The following GAS2 variants were observed in gnomAD, a reference collection of about 807,000 sequenced individuals.
GAS2 encodes the protein growth arrest-specific protein 2.
GAS2 carries 20 observed loss-of-function variants against 37.5 expected under a neutral mutation model. That is an observed-to-expected ratio of 0.53 (90% CI 0.37 to 0.77). The LOEUF is 0.77. Among genes scored for constraint, GAS2 ranks in the 30% least tolerant of loss-of-function variants. The pLI, the probability that GAS2 is intolerant of heterozygous loss-of-function variation, is 0.00. For synonymous variants in GAS2, 144 were observed against 132.2 expected, an observed-to-expected ratio of 1.09 and a Z score of -0.61; for missense variants, 336 against 373.4, an observed-to-expected ratio of 0.90 and a Z score of 0.82.
intron 3 of GAS2, among the ~76,000 whole-genome samples, chr11:22,705,280 A>C (rs1851057689): frequency 6.6e-6 from 1 of 152,108 alleles, no homozygotes; most frequent in African/African-American, 2.4e-5. Context: ...CAGGGCCTTC[A>C]CAATTGTTCT....
At chr11:22,748,674 A>G (rs1853548853) in intron 5 of GAS2, among the ~76,000 whole-genome samples, 1 of 152,080 alleles carries the variant, frequency 6.6e-6, no homozygotes, top group Non-Finnish European at 1.5e-5. Context: ...AATCATTTAA[A>G]GATGTTTATT....
At chr11:22,803,782 T>C (rs1177305564) in intron 7 of GAS2, among the ~76,000 whole-genome samples, 1 of 152,114 alleles carries the variant, frequency 6.6e-6, no homozygotes, top group Non-Finnish European at 1.5e-5. Flanking sequence ...ACATCATCCC[T>C]CTCTTCAGAG....
intron 1 of GAS2, among the ~76,000 whole-genome samples, chr11:22,649,697 ATTT>A (rs1415170341): frequency 2.0e-5 from 3 of 152,072 alleles, no homozygotes; most frequent in African/African-American, 7.3e-5. Flanking sequence ...TTTCTAGTTT[ATTT>A]GCATAGAGGT....
At chr11:22,631,110 A>G (rs1042928782) in intron 1 of GAS2, among the ~76,000 whole-genome samples, 1 of 152,088 alleles carries the variant, frequency 6.6e-6, no homozygotes, top group Non-Finnish European at 1.5e-5. Flanking sequence ...AGCTACTGTA[A>G]AAGGGATTGA....
At chr11:22,733,466 A>G (rs979169445) in intron 4 of GAS2, among the ~76,000 whole-genome samples, 1 of 151,792 alleles carries the variant, frequency 6.6e-6, no homozygotes, top group Non-Finnish European at 1.5e-5. Context: ...CAAATGGACA[A>G]CATAATTTTT....
intron 2 of GAS2, among the ~76,000 whole-genome samples, chr11:22,685,371 C>A (rs1261061198): frequency 6.6e-6 from 1 of 152,068 alleles, no homozygotes; most frequent in Non-Finnish European, 1.5e-5. Flanking sequence ...GTTTTCATTC[C>A]CCTTGATTAC....
rs1005805422 is a variant in GAS2, at chr11:22,699,078, A to G, written c.267+13289A>G. ...CTTTTCTAGCCCCTGTGTAAATAGC[A>G]TAGGCTGCTAGTTTTCTATTCCACA... is the stretch of plus-strand genomic sequence containing the variant. On this transcript the variant is annotated intron_variant, in intron 3 of 7. Coordinates refer to ENST00000454584, the MANE Select transcript of GAS2 (RefSeq NM_001143830.3). Among the ~76,000 whole-genome samples, 6 of 152,302 alleles carry G rather than the reference A, an allele frequency of 3.9e-5. No homozygotes were observed. In the South Asian group the frequency reaches 1.2e-3, roughly 32 times the overall value.
intron 7 of GAS2, among the ~76,000 whole-genome samples, chr11:22,776,729 G>T (rs1338855104): frequency 6.6e-6 from 1 of 152,126 alleles, no homozygotes; most frequent in African/African-American, 2.4e-5. Flanking sequence ...GTTGAAGAGA[G>T]TTTCAGAAAA....
At chr11:22,758,938 T>C (rs531045441) in intron 7 of GAS2, among the ~76,000 whole-genome samples, 4 of 72,332 alleles carry the variant, frequency 5.5e-5, no homozygotes, top group East Asian at 1.1e-3. Flanking sequence ...GAGAAAGTCA[T>C]AGATACAAGA....
At chr11:22,780,757 C>T (rs1201080463) in intron 7 of GAS2, among the ~76,000 whole-genome samples, 4 of 151,078 alleles carry the variant, frequency 2.6e-5, no homozygotes, top group Non-Finnish European at 4.4e-5. Flanking sequence ...AGGTCTCAGA[C>T]ACATATGGTC....
chr11:22,812,047 T>G lies in GAS2; in HGVS notation c.*31T>G. The stretch of plus-strand genomic sequence containing the variant: ...ATTGGTCATGACAAGGGGACCCTCA[T>G]AATGGCCTGTATCCACTTCTCCAGT... On this transcript the variant is annotated 3_prime_UTR_variant, in exon 8 of 8. Transcript: ENST00000454584. The G allele has an allele frequency of 1.3e-6, 2 of 1,484,208 alleles. No individual in the cohort carries two copies. Among genetic ancestry groups the G allele is most frequent in the Non-Finnish European group, 1.9e-6 (2 of 1,062,190 alleles). 91.9% of individuals were successfully genotyped at this position (1,484,208 alleles called of 1,614,324 possible).
At chr11:22,758,603 A>C (rs1406167207) in intron 7 of GAS2, among the ~76,000 whole-genome samples, 1 of 152,134 alleles carries the variant, frequency 6.6e-6, no homozygotes, top group Admixed American at 6.5e-5. Context: ...CTAACTCAGT[A>C]AGAATTGTTC....
At chr11:22,741,535 T>G (rs1565120640) in intron 5 of GAS2, among the ~76,000 whole-genome samples, 1 of 152,174 alleles carries the variant, frequency 6.6e-6, no homozygotes, top group Non-Finnish European at 1.5e-5. Context: ...TTATGAATTT[T>G]ATTTTTTAGT....
At chr11:22,774,241 G>A (rs577488863) in intron 7 of GAS2, among the ~76,000 whole-genome samples, 129 of 152,248 alleles carry the variant, frequency 8.5e-4, no homozygotes, top group South Asian at 3.9e-3. Context: ...TGATCGGCCC[G>A]CCTCAGCCTC....
chr11:22,710,506 TGTGTGTC>T lies in GAS2; in HGVS notation c.268-15785_268-15779del, dbSNP rs1565101862. ...AGATATATGTGTGTGTGTGTGTCTG[TGTGTGTC>T]TGTGTGTATATATATATATATGTTT... On this transcript the variant is annotated intron_variant, in intron 3 of 7. Coordinates refer to ENST00000454584, the MANE Select transcript of GAS2 (RefSeq NM_001143830.3). Among the ~76,000 whole-genome samples, 7 of 17,220 alleles carry T rather than the reference TGTGTGTC, an allele frequency of 4.1e-4. 1 individual carries two copies. The Admixed American group carries it at 0.02, about 50-fold the overall frequency. 11.3% of individuals were successfully genotyped at this position (17,220 alleles called of 152,430 possible). A position where few individuals can be genotyped will look rare whatever the true frequency, so the allele number is the denominator to read the frequency against.
intron 4 of GAS2, among the ~76,000 whole-genome samples, chr11:22,732,346 A>G (rs972934577): frequency 2.0e-5 from 3 of 151,770 alleles, no homozygotes; most frequent in African/African-American, 7.2e-5. Context: ...AATTCATTCA[A>G]TTCTGTAGGG....
At chr11:22,654,365 C>T (rs1848831969) in intron 1 of GAS2, among the ~76,000 whole-genome samples, 1 of 151,646 alleles carries the variant, frequency 6.6e-6, no homozygotes, top group Non-Finnish European at 1.5e-5. Context: ...TCCTCCCTCC[C>T]TCCTTCCCTC....
At chr11:22,712,533 A>G (rs560845076) in intron 3 of GAS2, among the ~76,000 whole-genome samples, 1 of 152,230 alleles carries the variant, frequency 6.6e-6, no homozygotes, top group Admixed American at 6.5e-5. Context: ...ACCCTGTGGG[A>G]CAAAACAATC....
chr11:22,673,218 T>C (rs964665578), intron 1 of GAS2, among the ~76,000 whole-genome samples: 2 of 152,182 alleles, frequency 1.3e-5, no homozygotes, highest in Non-Finnish European at 2.9e-5. Context: ...TTTGCATTTT[T>C]CTAAACACCA....
Sources: allele counts gnomAD v4.1 joint callset (sites outside exome capture counted in the v4.1 genomes callset), GRCh38; gene constraint gnomAD v4.1.1; transcripts MANE v1.5; gene names NCBI Gene and HGNC (gene_info 2026-07-23, HGNC 2026-07-21).